Variants in LAMA3 observed in about 807,000 individuals in gnomAD.
LAMA3 encodes laminin subunit alpha-3.
Under a neutral mutation model 402.0 loss-of-function variants are expected in LAMA3, and 281 were observed. The observed-to-expected ratio is 0.70, with a 90% CI of 0.63 to 0.77. The LOEUF is 0.77. Among genes scored for constraint, LAMA3 ranks in the 30% least tolerant of loss-of-function variants. The pLI, the probability that LAMA3 is intolerant of heterozygous loss-of-function variation, is 0.00. For missense variants in LAMA3, 3,840 were observed against 4,215.5 expected, an observed-to-expected ratio of 0.91 and a Z score of 2.47; for synonymous variants, 1,431 against 1,558.4, an observed-to-expected ratio of 0.92 and a Z score of 1.93.
intron 7 of LAMA3, among the ~76,000 whole-genome samples, chr18:23,762,741 T>C (rs1341301665): frequency 6.6e-6 from 1 of 151,594 alleles, no homozygotes; most frequent in Non-Finnish European, 1.5e-5. Flanking sequence ...GCAGGGAGAA[T>C]GGAGTCTCAC....
chr18:23,808,351 ATTTT>A (rs2063004108), intron 12 of LAMA3, among the ~76,000 whole-genome samples: 2 of 152,082 alleles, frequency 1.3e-5, no homozygotes, highest in African/African-American at 4.8e-5. Flanking sequence ...TTACATTATT[ATTTT>A]ATTTGTATTA....
intron 40 of LAMA3, among the ~76,000 whole-genome samples, chr18:23,882,964 C>T (rs534296994): frequency 3.3e-5 from 5 of 152,254 alleles, no homozygotes; most frequent in Admixed American, 1.3e-4. Flanking sequence ...GGGGTGGCTG[C>T]TTTAGAGGGG....
At chr18:23,786,629 C>A (rs2062550100) in intron 12 of LAMA3, among the ~76,000 whole-genome samples, 1 of 152,164 alleles carries the variant, frequency 6.6e-6, no homozygotes. Flanking sequence ...GTGACCCATA[C>A]ATAGGGGAAG....
intron 23 of LAMA3, among the ~76,000 whole-genome samples, chr18:23,830,285 C>T (rs2063467589): frequency 6.6e-6 from 1 of 152,138 alleles, no homozygotes; most frequent in Non-Finnish European, 1.5e-5. Flanking sequence ...TTAAAAAATG[C>T]TAACCTGTTT....
chr18:23,692,573 G>A (rs746746508), intron 1 of LAMA3, among the ~76,000 whole-genome samples: 19 of 152,140 alleles, frequency 1.2e-4, no homozygotes, highest in East Asian at 3.9e-4. Context: ...CAGCCGGCCC[G>A]TTTTGATGTT....
chr18:23,808,924 A>G (rs947306244), intron 12 of LAMA3, among the ~76,000 whole-genome samples: 13 of 152,330 alleles, frequency 8.5e-5, no homozygotes, highest in African/African-American at 3.1e-4. Flanking sequence ...TTTCTTTCCT[A>G]AGGCTCCAAC....
intron 4 of LAMA3, among the ~76,000 whole-genome samples, chr18:23,750,440 T>G (rs1262574144): frequency 7.7e-6 from 1 of 130,114 alleles, no homozygotes; most frequent in African/African-American, 3.1e-5. Flanking sequence ...CAGTTTTTTT[T>G]TTTTTTTTTT....
intron 2 of LAMA3, 43 bp downstream of exon 2, chr18:23,714,115 C>A: frequency 6.4e-7 from 1 of 1,560,708 alleles, no homozygotes; most frequent in Non-Finnish European, 8.8e-7. Context: ...GAGCTTAGAT[C>A]ACTGTTTCTA....
At chr18:23,747,180 T>C (rs1168589566) in intron 2 of LAMA3, among the ~76,000 whole-genome samples, 1 of 152,104 alleles carries the variant, frequency 6.6e-6, no homozygotes, top group South Asian at 2.1e-4. Flanking sequence ...TACCAGGCTC[T>C]TTGGGAAATA....
At chr18:23,937,126 G>A (rs2082333943) in intron 67 of LAMA3, among the ~76,000 whole-genome samples, 1 of 152,094 alleles carries the variant, frequency 6.6e-6, no homozygotes, top group Non-Finnish European at 1.5e-5. Context: ...AGCACTTTGG[G>A]AGGCCAAGGC....
At chr18:23,866,306 C>A (rs1052640351) in intron 36 of LAMA3, among the ~76,000 whole-genome samples, 1 of 152,120 alleles carries the variant, frequency 6.6e-6, no homozygotes, top group Non-Finnish European at 1.5e-5. Flanking sequence ...GTGATTAATG[C>A]GATGTAATGA....
At position 23,763,505 on chromosome 18, in the gene LAMA3, G is replaced by A. The variant is rs1015943069; in HGVS notation, c.1164G>A (p.Gly388=). The change falls in exon 8 of 75, where the codon GGG becomes GGA. Residue 388 remains glycine (G), a synonymous_variant. Coordinates refer to ENST00000313654, the MANE Select transcript of LAMA3 (RefSeq NM_198129.4). ...LNTQGIYAGG[G]VCINCQHNTA... ...CCCAGGGCATCTATGCTGGTGGAGG[G>A]GTCTGCATTAACTGTCAGGTGAGGC... 3.8e-5 allele frequency: 61 copies of A among 1,605,172 alleles called. No homozygotes were observed. The highest frequency in any genetic ancestry group is 4.9e-5 in the Non-Finnish European group (57 of 1,172,074).
chr18:23,910,394 G>A (rs2081388412), intron 55 of LAMA3, among the ~76,000 whole-genome samples: 1 of 152,162 alleles, frequency 6.6e-6, no homozygotes, highest in Non-Finnish European at 1.5e-5. Context: ...GCAAATAGTA[G>A]GTACCGTGTT....
chr18:23,902,982 C>G, intron 48 of LAMA3, 27 bp from the exon 49 acceptor site: 1 of 1,368,962 alleles, frequency 7.3e-7, no homozygotes, highest in Non-Finnish European at 1.0e-6. Context: ...TCATAGAGCT[C>G]AAGCAATTTT....
intron 1 of LAMA3, 132 bp downstream of exon 1, chr18:23,690,109 T>A (rs1401891892): frequency 1.4e-6 from 1 of 717,280 alleles, no homozygotes; most frequent in African/African-American, 1.9e-5. Context: ...GCAGCCCCCA[T>A]CCCCGCGCGC....
intron 36 of LAMA3, 50 bp from the exon 37 acceptor site, chr18:23,867,784 T>C: frequency 7.2e-7 from 1 of 1,384,152 alleles, no homozygotes; most frequent in Non-Finnish European, 1.0e-6. Context: ...TTATAAATCT[T>C]GAAAGATCCC....
At position 23,857,772 on chromosome 18, in the gene LAMA3, A is replaced by G. The variant is rs1292072067; in HGVS notation, c.4137-72A>G. Reference sequence around the variant, plus strand: ...GGCTTTGCACACCAATTAGTCCACTATAGTGTAAGTGAGCACTTTAAAATT... The same window carrying G: ...GGCTTTGCACACCAATTAGTCCACTGTAGTGTAAGTGAGCACTTTAAAATT... On this transcript the variant is annotated intron_variant, in intron 32 of 74. Coordinates refer to ENST00000313654, the MANE Select transcript of LAMA3 (RefSeq NM_198129.4). 8.2e-6 allele frequency: 13 copies of G among 1,589,786 alleles called. No individual in the cohort carries two copies. In the East Asian group the frequency reaches 1.1e-4, roughly 14 times the overall value.
intron 1 of LAMA3, among the ~76,000 whole-genome samples, chr18:23,699,717 A>G (rs2060756506): frequency 6.6e-6 from 1 of 152,206 alleles, no homozygotes; most frequent in African/African-American, 2.4e-5. Flanking sequence ...ATATCATTAA[A>G]GCTGCCAAAC....
At chr18:23,864,212 T>A (rs967653878) in intron 35 of LAMA3, among the ~76,000 whole-genome samples, 1 of 151,798 alleles carries the variant, frequency 6.6e-6, no homozygotes, top group Admixed American at 6.6e-5. Flanking sequence ...ACTTTCTTTC[T>A]TTTCTTTCTT....
Sources: gnomAD v4.1 joint callset for allele counts (sites outside exome capture counted in the v4.1 genomes callset) on GRCh38, gnomAD v4.1.1 for gene constraint, MANE v1.5 for transcripts, NCBI Gene and HGNC (gene_info 2026-07-23, HGNC 2026-07-21) for gene names.